The following ARID1A variants were observed in gnomAD, a reference collection of about 807,000 sequenced individuals.
ARID1A encodes the protein AT-rich interactive domain-containing protein 1A.
In ARID1A, 20 loss-of-function variants were observed where a neutral mutation model predicts 212.6. That is an observed-to-expected ratio of 0.09 (90% CI 0.07 to 0.14). The LOEUF is 0.14. ARID1A is among the 10% of genes least tolerant of loss of function. The pLI, the probability that ARID1A is intolerant of heterozygous loss-of-function variation, is 1.00. For missense variants in ARID1A, 2,587 were observed against 3,059.0 expected, an observed-to-expected ratio of 0.85 and a Z score of 3.64; for synonymous variants, 1,376 against 1,222.1, an observed-to-expected ratio of 1.13 and a Z score of -2.63.
rs142015882 is a variant in ARID1A, at chr1:26,730,843, G to A, written c.1351-309G>A. ...AACACTTATAAAAACAGTCTAGGCCGTGATAAAAAGAGTTAGGCTCACTGG... is the reference window on the plus strand; with the variant it reads ...AACACTTATAAAAACAGTCTAGGCCATGATAAAAAGAGTTAGGCTCACTGG... On this transcript the variant is annotated intron_variant, in intron 2 of 19. Transcript: ENST00000324856. Among the ~76,000 whole-genome samples, 21 of 152,278 alleles carry A rather than the reference G, an allele frequency of 1.4e-4. No homozygotes were observed. The East Asian group carries it at 3.3e-3, about 24-fold the overall frequency.
In ARID1A at chr1:26,710,494, T is replaced by TACACACACACACACACACACACAC. The variant is rs61663540; in HGVS notation, c.1137+12965_1137+12988dup. 5.7e-3 allele frequency among the ~76,000 whole-genome samples: 756 copies of TACACACACACACACACACACACAC among 131,484 alleles called. 14 individuals are homozygous for TACACACACACACACACACACACAC. Among genetic ancestry groups the TACACACACACACACACACACACAC allele is most frequent in the African/African-American group, 0.019 (611 of 32,734 alleles). 86.3% of individuals were successfully genotyped at this position (131,484 alleles called of 152,430 possible). A position where few individuals can be genotyped will look rare whatever the true frequency, so the allele number is the denominator to read the frequency against. On this transcript the variant is annotated intron_variant, in intron 1 of 19. Coordinates refer to ENST00000324856, the MANE Select transcript of ARID1A (RefSeq NM_006015.6). ...CCATCTCAAAAAATAAAATAATACA[T>TACACACACACACACACACACACAC]ACACACACACACACACACACACACA... is the stretch of plus-strand genomic sequence containing the variant.
At position 26,762,207 on chromosome 1, in the gene ARID1A, A is replaced by T. The variant is rs1370102267; in HGVS notation, c.2307A>T (p.Ser769=). The change falls in exon 7 of 20, where the codon TCA becomes TCT. Residue 769 remains serine, a synonymous_variant. Coordinates refer to ENST00000324856, the MANE Select transcript of ARID1A (RefSeq NM_006015.6). ...AGTACAGTTCCCCCCAGCCCGGCTC[A>T]GCCTTATCTCCGCGTCAGCCTTCCG... is the stretch of plus-strand genomic sequence containing the variant. The part of the protein sequence containing the change: ...MPQYSSPQPG[S]ALSPRQPSGG... 11 of 1,614,164 alleles carry T rather than the reference A, an allele frequency of 6.8e-6. No individual in the cohort carries two copies. The highest frequency in any genetic ancestry group is 9.3e-6 in the Non-Finnish European group (11 of 1,180,026).
chr1:26,771,453 C>G lies in ARID1A; in HGVS notation c.3406+127C>G. 2.8e-6 allele frequency: 3 copies of G among 1,058,810 alleles called. No individual in the cohort carries two copies. Among genetic ancestry groups the G allele is most frequent in the Non-Finnish European group, 4.1e-6 (3 of 734,052 alleles). 65.6% of individuals were successfully genotyped at this position (1,058,810 alleles called of 1,614,324 possible). A position where few individuals can be genotyped will look rare whatever the true frequency, so the allele number is the denominator to read the frequency against. Reference sequence around the variant, plus strand: ...GGATCTGTGCTCTGCCTTGCCCTACCACAGGGCTTAACAGGTTGGCTGACT... The same window carrying G: ...GGATCTGTGCTCTGCCTTGCCCTACGACAGGGCTTAACAGGTTGGCTGACT... On this transcript the variant is annotated intron_variant, in intron 12 of 19. Transcript: ENST00000324856. This position sits in a 1 kb window ranked among gnomAD's most constrained non-coding sequence, Gnocchi z 5.4.
chr1:26,758,841 C>G (rs1176368564), intron 4 of ARID1A, among the ~76,000 whole-genome samples: 1 of 152,244 alleles, frequency 6.6e-6, no homozygotes, highest in African/African-American at 2.4e-5. Flanking sequence ...TTCTTACCAA[C>G]AAGAAAGCTA....
chr1:26,739,846 C>G (rs541859559), intron 4 of ARID1A, among the ~76,000 whole-genome samples: 1 of 152,126 alleles, frequency 6.6e-6, no homozygotes, highest in East Asian at 1.9e-4. Context: ...GGTTTCCCCT[C>G]TCTTTCTCCA....
At chr1:26,743,780 C>T (rs2080810036) in intron 4 of ARID1A, among the ~76,000 whole-genome samples, 1 of 139,936 alleles carries the variant, frequency 7.1e-6, no homozygotes, top group Non-Finnish European at 1.5e-5. Context: ...TGCAGTACTC[C>T]ATCTCAAAAA....
chr1:26,728,173 TGGG>T (rs1557590112), intron 1 of ARID1A, among the ~76,000 whole-genome samples: 1 of 152,174 alleles, frequency 6.6e-6, no homozygotes, highest in African/African-American at 2.4e-5. Flanking sequence ...TTTAGAAACA[TGGG>T]GGAGGAGTAT....
chr1:26,720,158 G>A (rs1363664246), intron 1 of ARID1A, among the ~76,000 whole-genome samples: 2 of 151,760 alleles, frequency 1.3e-5, no homozygotes, highest in African/African-American at 2.4e-5. Context: ...GGTTGAGGTA[G>A]GAGAATTGCT....
In ARID1A at chr1:26,779,503, C is replaced by T. The variant is rs773610610; in HGVS notation, c.5605C>T (p.Arg1869Trp). The T allele has an allele frequency of 4.2e-5, 67 of 1,613,976 alleles. No homozygotes were observed. Among genetic ancestry groups the T allele is most frequent in the East Asian group, 6.7e-5 (3 of 44,882 alleles). Residue 1869 changes from arginine to tryptophan, a missense_variant, in exon 20 of 20, where the codon CGG (arginine) becomes TGG (tryptophan). Physicochemically the swap from Arg to Trp is moderately radical, Grantham distance 101. Transcript: ENST00000324856. ...GAGCAAGACAGAGCTGCTGCCTTCC[C>T]GGCCTCACGCACCCTGCCCACCAGC... ...FESKTELLPS[R>W]PHAPCPPAPR...
In ARID1A at chr1:26,696,936, G is replaced by T; in HGVS notation, c.533G>T (p.Ser178Ile). The T allele has an allele frequency of 1.4e-6, 2 of 1,447,178 alleles. No homozygotes were observed. Among genetic ancestry groups the T allele is most frequent in the South Asian group, 1.5e-5 (1 of 66,628 alleles). The allele number at this position is 1,447,178 out of a possible 1,614,324, so 89.6% of individuals were successfully genotyped here. A position where few individuals can be genotyped will look rare whatever the true frequency, so the allele number is the denominator to read the frequency against. The change falls in exon 1 of 20, where the codon AGC (serine) becomes ATC (isoleucine). Residue 178 changes from serine (S) to isoleucine (I), a missense_variant. Ser to Ile is a moderately radical substitution (Grantham distance 142). Transcript: ENST00000324856. The stretch of plus-strand genomic sequence containing the variant: ...CACCAACAACATGGCGGACAACAAA[G>T]CCCTGGCCTGGCAGCGCTGCAGAGC... ...VFHQQHGGQQ[S>I]PGLAALQSGG...
rs550131155 is a variant in ARID1A at position 26,781,086 on chromosome 1, AAAAAT to A, written c.*340_*344del. ...GTTGTTTACAGTGAGTTTGGGGAAAAAAAATAAAATAAAAATGGCTTTCCCAGTCC... is the reference window on the plus strand; with the variant it reads ...GTTGTTTACAGTGAGTTTGGGGAAAAAAAATAAAAATGGCTTTCCCAGTCC... On this transcript the variant is annotated 3_prime_UTR_variant, in exon 20 of 20. Coordinates refer to ENST00000324856, the MANE Select transcript of ARID1A (RefSeq NM_006015.6). 293 of 293,570 alleles carry A rather than the reference AAAAAT, an allele frequency of 1.0e-3. No homozygotes were observed. The highest frequency in any genetic ancestry group is 1.2e-3 in the Non-Finnish European group (186 of 158,620). The allele number at this position is 293,570 out of a possible 1,614,324, so 18.2% of individuals were successfully genotyped here. A position where few individuals can be genotyped will look rare whatever the true frequency, so the allele number is the denominator to read the frequency against.
At chr1:26,699,087 T>C (rs1381456580) in intron 1 of ARID1A, among the ~76,000 whole-genome samples, 1 of 152,220 alleles carries the variant, frequency 6.6e-6, no homozygotes, top group African/African-American at 2.4e-5. Context: ...ACAAAAAGTC[T>C]AGTTTTCTGT....
intron 4 of ARID1A, among the ~76,000 whole-genome samples, chr1:26,737,819 G>T (rs1452361263): frequency 6.6e-6 from 1 of 151,632 alleles, no homozygotes; most frequent in East Asian, 2.0e-4. Flanking sequence ...GAGCCAAGAT[G>T]GTGCCATTAC....
chr1:26,744,010 T>G (rs1211776339), intron 4 of ARID1A, among the ~76,000 whole-genome samples: 1 of 152,106 alleles, frequency 6.6e-6, no homozygotes, highest in African/African-American at 2.4e-5. Context: ...TAGCTGACCA[T>G]GTATCTGTGC....
At chr1:26,706,237 C>T (rs914315826) in intron 1 of ARID1A, among the ~76,000 whole-genome samples, 1 of 152,162 alleles carries the variant, frequency 6.6e-6, no homozygotes, top group Admixed American at 6.5e-5. Flanking sequence ...TATTAGACTT[C>T]CTCCTCCCTT....
At chr1:26,736,045 C>T (rs1487750312) in intron 4 of ARID1A, among the ~76,000 whole-genome samples, 1 of 152,156 alleles carries the variant, frequency 6.6e-6, no homozygotes, top group Non-Finnish European at 1.5e-5. Flanking sequence ...AAAAAAAAGG[C>T]CGGGCGTGGT....
rs191043350 is a variant in ARID1A at position 26,741,194 on chromosome 1, C to G, written c.1920+8402C>G. Among the ~76,000 whole-genome samples the G allele has an allele frequency of 1.1e-4, 17 of 152,174 alleles. No individual in the cohort carries two copies. In the East Asian group the frequency reaches 3.3e-3, roughly 29 times the overall value. ...GCCGGAGGCCATCAGGTAGAAGCAG[C>G]CAACAGAGAGTTGGAGAGATCGGAG... On this transcript the variant is annotated intron_variant, in intron 4 of 19. Coordinates refer to ENST00000324856, the MANE Select transcript of ARID1A (RefSeq NM_006015.6).
intron 4 of ARID1A, among the ~76,000 whole-genome samples, chr1:26,750,569 TG>T (rs1384665658): frequency 6.6e-6 from 1 of 152,052 alleles, no homozygotes; most frequent in Non-Finnish European, 1.5e-5. Context: ...GCTGCAGTGC[TG>T]GGTGAGGAGG....
At chr1:26,773,547 G>A (rs1403270591) in intron 15 of ARID1A, 33 bp from the exon 16 acceptor site, 1 of 1,614,178 alleles carries the variant, frequency 6.2e-7, no homozygotes. Flanking sequence ...TGAAGCTATA[G>A]TGGGCTCAAT....
Sources: gnomAD v4.1 joint callset for allele counts (sites outside exome capture counted in the v4.1 genomes callset) on GRCh38, gnomAD v4.1.1 for gene constraint, Gnocchi (gnomAD v3.1) non-coding constraint, MANE v1.5 for transcripts, NCBI Gene and HGNC (gene_info 2026-07-23, HGNC 2026-07-21) for gene names.